FGF14: variants seen among roughly 807,000 people sequenced by gnomAD.
FGF14 encodes fibroblast growth factor 14.
A neutral mutation model predicts 25.5 loss-of-function variants in FGF14; 5 were observed. The ratio of observed to expected loss-of-function variants is 0.20; its 90% CI spans 0.10 to 0.41. FGF14 has a LOEUF of 0.41. FGF14 is among the 10% of genes least tolerant of loss of function. FGF14 has a pLI of 1.00. For synonymous variants in FGF14, 138 were observed against 118.3 expected (o/e 1.17, Z -1.08); for missense variants, 222 against 320.1 (o/e 0.69, Z 2.34).
At chr13:101,924,602 A>G (rs543862266) in intron 1 of FGF14, among the ~76,000 whole-genome samples, 76 of 152,350 alleles carry the variant, frequency 5.0e-4, no homozygotes, top group African/African-American at 1.8e-3. Context: ...TATTTCGGTC[A>G]TAATTATTTA....
At chr13:101,742,079 C>T (rs1210835456) in intron 3 of FGF14, among the ~76,000 whole-genome samples, 2 of 152,236 alleles carry the variant, frequency 1.3e-5, no homozygotes, top group East Asian at 3.9e-4. Flanking sequence ...GTGATGTTCC[C>T]CTCCCTGTGT....
intron 1 of FGF14, among the ~76,000 whole-genome samples, chr13:102,048,647 G>A (rs2042094258): frequency 6.6e-6 from 1 of 152,158 alleles, no homozygotes; most frequent in Non-Finnish European, 1.5e-5. Flanking sequence ...TGCTGGGGAT[G>A]ATGATGCTGC....
At chr13:101,805,360 T>C (rs921066814) in intron 3 of FGF14, among the ~76,000 whole-genome samples, 2 of 152,156 alleles carry the variant, frequency 1.3e-5, no homozygotes, top group African/African-American at 4.8e-5. Context: ...TTAATGGTGG[T>C]TTGTATTTTT....
intron 1 of FGF14, among the ~76,000 whole-genome samples, chr13:102,236,399 G>A (rs779694383): frequency 6.6e-6 from 1 of 152,060 alleles, no homozygotes; most frequent in Non-Finnish European, 1.5e-5. Context: ...ACAGACTCAG[G>A]AAGACTTTTG....
intron 1 of FGF14, among the ~76,000 whole-genome samples, chr13:102,211,432 A>G (rs2050155584): frequency 6.6e-6 from 1 of 152,072 alleles, no homozygotes; most frequent in Non-Finnish European, 1.5e-5. Flanking sequence ...ATGTGTTCAT[A>G]TGATCACTTT....
intron 3 of FGF14, among the ~76,000 whole-genome samples, chr13:101,797,152 T>G (rs1437801069): frequency 6.6e-6 from 1 of 152,164 alleles, no homozygotes; most frequent in Non-Finnish European, 1.5e-5. Flanking sequence ...CAGTTGTTGT[T>G]TCTTTGTAAA....
chr13:102,159,026 G>A (rs1050859189), intron 1 of FGF14, among the ~76,000 whole-genome samples: 2 of 151,496 alleles, frequency 1.3e-5, no homozygotes, highest in Admixed American at 6.6e-5. Context: ...TGTAATCCCA[G>A]CTACTCGGGA....
chr13:101,878,630 T>C (rs1456724480), intron 1 of FGF14, among the ~76,000 whole-genome samples: 2 of 152,160 alleles, frequency 1.3e-5, no homozygotes, highest in African/African-American at 4.8e-5. Context: ...ATGGATTTTG[T>C]GGTTAAAAAC....
Position 102,294,414 on chromosome 13 carries a change from C to CAA in FGF14, c.208+107055_208+107056dup, listed in dbSNP as rs56656066. Among the ~76,000 whole-genome samples, 519 of 123,026 alleles carry CAA rather than the reference C, an allele frequency of 4.2e-3. 4 individuals carry two copies. The highest frequency in any genetic ancestry group is 0.014 in the African/African-American group (485 of 33,638). The allele number at this position is 123,026 out of a possible 152,430, so 80.7% of individuals were successfully genotyped here. On this transcript the variant is annotated intron_variant, in intron 1 of 4. Transcript: ENST00000376131. ...CTTTTTTCTAGAAGACTGTTTGGTC[C>CAA]AAAAAAAAAAAACAAACACATCCTG...
At chr13:101,983,353 A>G (rs2038377622) in intron 1 of FGF14, among the ~76,000 whole-genome samples, 1 of 152,022 alleles carries the variant, frequency 6.6e-6, no homozygotes, top group African/African-American at 2.4e-5. Context: ...GACATATTCT[A>G]TTCGTTTACT....
At chr13:101,787,914 C>T (rs994918448) in intron 3 of FGF14, among the ~76,000 whole-genome samples, 3 of 152,146 alleles carry the variant, frequency 2.0e-5, no homozygotes, top group South Asian at 2.1e-4. Flanking sequence ...TCTTATTGCC[C>T]AGGCTAGGGT....
At chr13:101,723,894 A>C (rs2035175693) in intron 4 of FGF14, among the ~76,000 whole-genome samples, 1 of 152,106 alleles carries the variant, frequency 6.6e-6, no homozygotes, top group Non-Finnish European at 1.5e-5. Context: ...ACTGCTTTTT[A>C]GGTTTTTGAA....
rs2036215004 is a variant in FGF14 at position 101,952,259 on chromosome 13, A to G, written c.209-76963T>C. ...AAGGATTCCAAGTCTTTCCACTGCA[A>G]ATTCAAGGCTGGCTTGTTTACCATA... is the stretch of plus-strand genomic sequence containing the variant. On this transcript the variant is annotated intron_variant, in intron 1 of 4. Coordinates refer to the FGF14 transcript ENST00000376131. Among the ~76,000 whole-genome samples, 3 of 152,166 alleles carry G rather than the reference A, an allele frequency of 2.0e-5. No homozygotes were observed. In the South Asian group the frequency reaches 6.2e-4, roughly 32 times the overall value.
chr13:102,188,078 T>A (rs1052989572), intron 1 of FGF14, among the ~76,000 whole-genome samples: 3 of 152,194 alleles, frequency 2.0e-5, no homozygotes, highest in African/African-American at 7.2e-5. Context: ...TATTTTTCTC[T>A]TTACAGCAAT....
chr13:101,876,580 T>C (rs951241021), intron 1 of FGF14, among the ~76,000 whole-genome samples: 2 of 152,186 alleles, frequency 1.3e-5, no homozygotes, highest in East Asian at 3.8e-4. Context: ...ACTTGCTTCA[T>C]AGATGGTATA....
intron 1 of FGF14, among the ~76,000 whole-genome samples, chr13:102,275,237 T>TCTCC (rs2053460100): frequency 2.2e-5 from 2 of 89,766 alleles, no homozygotes; most frequent in Non-Finnish European, 2.1e-5. Context: ...GGCAGATTTC[T>TCTCC]CTCTCTCTCT....
intron 1 of FGF14, chr13:102,393,918 T>C (rs3918311): frequency 0.31 from 46,526 of 152,094 alleles, 7,694 homozygotes; most frequent in African/African-American, 0.42. Flanking sequence ...TTTAAATATA[T>C]AGTTAACATA....
chr13:101,778,737 G>A (rs1393649254), intron 3 of FGF14: 1 of 152,100 alleles, frequency 6.6e-6, no homozygotes, highest in Non-Finnish European at 1.5e-5. Flanking sequence ...GTGGTTGTGT[G>A]TTTTTATGAG....
intron 1 of FGF14, among the ~76,000 whole-genome samples, chr13:102,226,631 A>G (rs1200194850): frequency 1.3e-5 from 2 of 152,014 alleles, no homozygotes; most frequent in East Asian, 1.9e-4. Context: ...TTCTGTCTTC[A>G]TCTCTGAAAT....
Sources: gnomAD v4.1 joint callset for allele counts (sites outside exome capture counted in the v4.1 genomes callset) on GRCh38, gnomAD v4.1.1 for gene constraint, MANE v1.5 for transcripts, NCBI Gene and HGNC (gene_info 2026-07-23, HGNC 2026-07-21) for gene names.